The following PCED1B variants were observed in gnomAD, a reference collection of about 807,000 sequenced individuals.
PCED1B encodes the protein PC-esterase domain containing 1B.
For synonymous variants in PCED1B, 251 were observed against 246.1 expected, an observed-to-expected ratio of 1.02 and a Z score of -0.19; for missense variants, 573 against 573.9, an observed-to-expected ratio of 1.00 and a Z score of 0.02.
intron 3 of PCED1B, among the ~76,000 whole-genome samples, chr12:47,220,572 A>G (rs1044259978): frequency 6.6e-6 from 1 of 152,246 alleles, no homozygotes; most frequent in African/African-American, 2.4e-5. Context: ...AGAATGGAAT[A>G]GGCCTGGCAC....
intron 2 of PCED1B, among the ~76,000 whole-genome samples, chr12:47,174,003 G>C (rs917067985): frequency 6.6e-6 from 1 of 152,196 alleles, no homozygotes; most frequent in Non-Finnish European, 1.5e-5. Flanking sequence ...GGAGGGGCCA[G>C]GCATGGTGGC....
At position 47,089,492 on chromosome 12, in the gene PCED1B, ATG is replaced by A. The variant is rs1361803323; in HGVS notation, c.-609+9769_-609+9770del. Among the ~76,000 whole-genome samples, 332 of 83,614 alleles carry A rather than the reference ATG, an allele frequency of 4.0e-3. 16 individuals carry two copies. Among genetic ancestry groups the A allele is most frequent in the African/African-American group, 0.014 (270 of 18,904 alleles). 54.9% of individuals were successfully genotyped at this position (83,614 alleles called of 152,430 possible). A position where few individuals can be genotyped will look rare whatever the true frequency, so the allele number is the denominator to read the frequency against. ...TATATATATATATATATATATATAT[ATG>A]TATATACCAAAAAACATACCTACCT... On this transcript the variant is annotated intron_variant, in intron 1 of 3. Transcript: ENST00000546455.
intron 1 of PCED1B, among the ~76,000 whole-genome samples, chr12:47,089,628 C>T (rs900334174): frequency 6.6e-6 from 1 of 151,300 alleles, no homozygotes; most frequent in African/African-American, 2.4e-5. Context: ...CATTTGATGA[C>T]TTGAATGTTT....
chr12:47,201,889 T>A, intron 2 of PCED1B, among the ~76,000 whole-genome samples: 1 of 152,298 alleles, frequency 6.6e-6, no homozygotes, highest in South Asian at 2.1e-4. Flanking sequence ...CATGAGCCAA[T>A]GCACCAGGCC....
At chr12:47,192,365 A>G (rs991386420) in intron 2 of PCED1B, among the ~76,000 whole-genome samples, 26 of 152,218 alleles carry the variant, frequency 1.7e-4, no homozygotes, top group African/African-American at 6.0e-4. Context: ...AGCCTGGAAA[A>G]AAAATGGAGA....
At position 47,236,538 on chromosome 12, in the gene PCED1B, T is replaced by C; in HGVS notation, c.*176T>C. ...AGCCAAGGAAGAGCAGCCTGACTCA[T>C]TCTTCTTGGCTGCAGCCTCTTCCCC... On this transcript the variant is annotated 3_prime_UTR_variant, in exon 4 of 4. Coordinates refer to ENST00000546455, the MANE Select transcript of PCED1B (RefSeq NM_138371.3). The C allele has an allele frequency of 4.6e-6, 3 of 650,498 alleles. No individual in the cohort carries two copies. The highest frequency in any genetic ancestry group is 7.5e-6 in the Non-Finnish European group (3 of 399,266). 40.3% of individuals were successfully genotyped at this position (650,498 alleles called of 1,614,324 possible). A position where few individuals can be genotyped will look rare whatever the true frequency, so the allele number is the denominator to read the frequency against.
chr12:47,180,795 C>G (rs907078484), intron 2 of PCED1B, among the ~76,000 whole-genome samples: 17 of 152,096 alleles, frequency 1.1e-4, no homozygotes, highest in African/African-American at 4.1e-4. Flanking sequence ...ACAGACACTT[C>G]TCAGAAGAAG....
intron 2 of PCED1B, among the ~76,000 whole-genome samples, chr12:47,118,382 G>C (rs1049026159): frequency 2.0e-5 from 3 of 152,152 alleles, no homozygotes; most frequent in African/African-American, 7.2e-5. Flanking sequence ...ATGTAAGGAA[G>C]GGATCTAGTT....
At chr12:47,229,135 C>A (rs981355918) in intron 3 of PCED1B, among the ~76,000 whole-genome samples, 1 of 151,730 alleles carries the variant, frequency 6.6e-6, no homozygotes, top group South Asian at 2.1e-4. Context: ...TGTTTCAGGC[C>A]GGGCACGGTG....
intron 2 of PCED1B, among the ~76,000 whole-genome samples, chr12:47,197,050 C>A (rs1208106418): frequency 6.7e-6 from 1 of 150,062 alleles, no homozygotes; most frequent in Non-Finnish European, 1.5e-5. Context: ...ACCAGCCTGA[C>A]CAACATGGTG....
chr12:47,187,913 C>T (rs896417894), intron 2 of PCED1B: 6 of 154,124 alleles, frequency 3.9e-5, no homozygotes, highest in African/African-American at 1.4e-4. Flanking sequence ...TGCGCCTCTT[C>T]CACCTGGGTC....
intron 3 of PCED1B, among the ~76,000 whole-genome samples, chr12:47,230,194 C>G (rs1197862562): frequency 6.7e-6 from 1 of 149,660 alleles, no homozygotes; most frequent in Non-Finnish European, 1.5e-5. Flanking sequence ...ACACCTTTCT[C>G]CTGCCTCAGC....
chr12:47,151,641 T>C (rs1940996091), intron 2 of PCED1B, among the ~76,000 whole-genome samples: 1 of 152,230 alleles, frequency 6.6e-6, no homozygotes, highest in African/African-American at 2.4e-5. Flanking sequence ...TGTCTGAGTT[T>C]GAAGGCCTGA....
intron 2 of PCED1B, among the ~76,000 whole-genome samples, chr12:47,177,642 A>G (rs986399230): frequency 6.6e-6 from 1 of 152,022 alleles, no homozygotes; most frequent in Non-Finnish European, 1.5e-5. Flanking sequence ...AAACTGGAGG[A>G]ATGTTCCCAA....
At chr12:47,231,384 G>A (rs55835639) in intron 3 of PCED1B, among the ~76,000 whole-genome samples, 10,667 of 124,120 alleles carry the variant, frequency 0.086, 421 homozygotes, top group Non-Finnish European at 0.11. Context: ...CAGGGGAGTC[G>A]CTAGGAGATA....
intron 2 of PCED1B, among the ~76,000 whole-genome samples, chr12:47,164,752 C>T (rs1244889694): frequency 6.6e-6 from 1 of 152,222 alleles, no homozygotes; most frequent in African/African-American, 2.4e-5. Context: ...GCCTCCACAC[C>T]TCCATCACTC....
intron 3 of PCED1B, among the ~76,000 whole-genome samples, chr12:47,220,068 C>CAAAAAAAAAAAAAAAA: frequency 9.6e-6 from 1 of 103,738 alleles, no homozygotes; most frequent in Non-Finnish European, 2.1e-5. Flanking sequence ...GACACTGCCT[C>CAAAAAAAAAAAAAAAA]AAAAAAAAAA....
intron 2 of PCED1B, among the ~76,000 whole-genome samples, chr12:47,172,862 T>A (rs778473467): frequency 6.6e-6 from 1 of 152,198 alleles, no homozygotes; most frequent in Non-Finnish European, 1.5e-5. Flanking sequence ...AGCAATGTTG[T>A]TGAGGGAAAG....
chr12:47,138,884 T>C (rs1178617752), intron 2 of PCED1B, among the ~76,000 whole-genome samples: 1 of 152,194 alleles, frequency 6.6e-6, no homozygotes, highest in Admixed American at 6.5e-5. Context: ...AAATTTCCAA[T>C]AGACTGTATG....
Sources: gnomAD v4.1 joint callset for allele counts (sites outside exome capture counted in the v4.1 genomes callset) on GRCh38, gnomAD v4.1.1 for gene constraint, MANE v1.5 for transcripts, NCBI Gene and HGNC (gene_info 2026-07-23, HGNC 2026-07-21) for gene names.